Variants in TBC1D1 observed in about 807,000 individuals in gnomAD.
The protein encoded by TBC1D1 is TBC1 (tre-2/USP6, BUB2, cdc16) domain family, member 1.
TBC1D1 carries 89 observed loss-of-function variants against 125.6 expected under a neutral mutation model. The observed-to-expected ratio is 0.71, with a 90% CI of 0.60 to 0.85. TBC1D1 has a LOEUF of 0.85. TBC1D1 is among the 40% of genes least tolerant of loss of function. TBC1D1 has a pLI of 0.00. For synonymous variants in TBC1D1, 565 were observed against 564.1 expected (o/e 1.00, Z -0.02); for missense variants, 1,377 against 1,469.2 (o/e 0.94, Z 1.03).
At chr4:38,066,553 G>A (rs1474740497) in intron 12 of TBC1D1, among the ~76,000 whole-genome samples, 1 of 152,062 alleles carries the variant, frequency 6.6e-6, no homozygotes, top group East Asian at 1.9e-4. Flanking sequence ...GGCTGGTCTT[G>A]AACTCTTGAA....
At chr4:38,099,297 C>T (rs904951875) in intron 14 of TBC1D1, among the ~76,000 whole-genome samples, 1 of 152,110 alleles carries the variant, frequency 6.6e-6, no homozygotes, top group Non-Finnish European at 1.5e-5. Flanking sequence ...TATTTACTGA[C>T]GTAAAAGATG....
Position 38,079,202 on chromosome 4 carries a change from A to G in TBC1D1, c.2051-10730A>G, listed in dbSNP as rs542653461. 5.3e-5 allele frequency among the ~76,000 whole-genome samples: 8 copies of G among 151,918 alleles called. No homozygotes were observed. In the East Asian group the frequency reaches 9.7e-4, roughly 18 times the overall value. ...TCGTGATCTTAGCTTTTAGTAGTATATTTTTCTGTTTATGTTAGGTGAGTC... is the reference window on the plus strand; with the variant it reads ...TCGTGATCTTAGCTTTTAGTAGTATGTTTTTCTGTTTATGTTAGGTGAGTC... On this transcript the variant is annotated intron_variant, in intron 12 of 19. Coordinates refer to ENST00000261439, the MANE Select transcript of TBC1D1 (RefSeq NM_015173.4).
chr4:37,929,416 G>A (rs1482689496), intron 2 of TBC1D1, among the ~76,000 whole-genome samples: 2 of 152,148 alleles, frequency 1.3e-5, no homozygotes, highest in African/African-American at 2.4e-5. Flanking sequence ...TTTAGCAACC[G>A]CTGTACTCCC....
intron 2 of TBC1D1, chr4:37,952,536 C>T: frequency 6.1e-6 from 1 of 165,260 alleles, no homozygotes; most frequent in Non-Finnish European, 1.3e-5. Context: ...GAAGAGAAAA[C>T]CAAACACCAC....
intron 2 of TBC1D1, among the ~76,000 whole-genome samples, chr4:38,011,616 A>G (rs1741519082): frequency 6.6e-6 from 1 of 152,168 alleles, no homozygotes; most frequent in South Asian, 2.1e-4. Flanking sequence ...TTATATCTGT[A>G]TTACACATAA....
At chr4:37,984,043 C>CT (rs994541215) in intron 2 of TBC1D1, among the ~76,000 whole-genome samples, 1 of 151,890 alleles carries the variant, frequency 6.6e-6, no homozygotes, top group African/African-American at 2.4e-5. Context: ...GGATTGGCTT[C>CT]TTTCACTAAG....
At chr4:38,076,346 A>G (rs1243824412) in intron 12 of TBC1D1, among the ~76,000 whole-genome samples, 1 of 152,198 alleles carries the variant, frequency 6.6e-6, no homozygotes, top group Non-Finnish European at 1.5e-5. Context: ...CTCCCATGAC[A>G]TGGGGATTAT....
intron 2 of TBC1D1, among the ~76,000 whole-genome samples, chr4:37,916,688 G>A (rs866285698): frequency 5.9e-5 from 9 of 152,154 alleles, no homozygotes; most frequent in Middle Eastern, 3.2e-3. Flanking sequence ...ATTTTTGATG[G>A]TGAGCAGGGG....
In TBC1D1 at chr4:38,125,100, G is replaced by T; in HGVS notation, c.3101G>T (p.Gly1034Val). 6.2e-7 allele frequency: 1 copy of T among 1,614,032 alleles called. No individual in the cohort carries two copies. The highest frequency in any genetic ancestry group is 8.5e-7 in the Non-Finnish European group (1 of 1,179,992). Residue 1034 changes from glycine to valine, a missense_variant, in exon 18 of 20, where the codon GGC (glycine) becomes GTC (valine). Around this residue, in one of 3 missense-constraint regions of TBC1D1, gnomAD observed 543 missense variants for 613.5 expected, o/e 0.89. Coordinates refer to ENST00000261439, the MANE Select transcript of TBC1D1 (RefSeq NM_015173.4). ...ATAAAAAGCACGCTACCCAACCTTGGCTTGGTACAGATGGAAAAGACCATC... is the reference window on the plus strand; with the variant it reads ...ATAAAAAGCACGCTACCCAACCTTGTCTTGGTACAGATGGAAAAGACCATC...
At chr4:37,957,552 G>A (rs567598040) in intron 2 of TBC1D1, among the ~76,000 whole-genome samples, 3 of 152,260 alleles carry the variant, frequency 2.0e-5, no homozygotes, top group South Asian at 2.1e-4. Flanking sequence ...CTAAGAGTTC[G>A]AGGCTACAGT....
chr4:37,993,722 C>T (rs1333518508), intron 2 of TBC1D1, among the ~76,000 whole-genome samples: 3 of 152,208 alleles, frequency 2.0e-5, no homozygotes. Context: ...GCTGGGATTA[C>T]AGGCGCCCGC....
chr4:38,049,765 C>T lies in TBC1D1; in HGVS notation c.1777C>T (p.Arg593Ter), dbSNP rs370134989. ...GTCGCCCCAGCAGGCCTTCAGGAGG[C>T]GAGCAAACACCCTGAGTCACTTCCC... Residue 593 changes from arginine (R) to a stop codon, truncating the protein, a stop_gained, in exon 11 of 20, where the codon CGA (arginine) becomes TGA (stop). Coordinates refer to ENST00000261439, the MANE Select transcript of TBC1D1 (RefSeq NM_015173.4). LOFTEE classifies it high-confidence loss of function. 2.7e-5 allele frequency: 44 copies of T among 1,614,030 alleles called. No individual in the cohort carries two copies. The African/African-American group carries it at 4.8e-4, about 18-fold the overall frequency.
chr4:38,015,415 T>G (rs1177295375), intron 3 of TBC1D1, among the ~76,000 whole-genome samples: 1 of 152,200 alleles, frequency 6.6e-6, no homozygotes, highest in Non-Finnish European at 1.5e-5. Flanking sequence ...ACATTATATT[T>G]GAAATTTATA....
chr4:37,944,600 G>A (rs1726268781), intron 2 of TBC1D1, among the ~76,000 whole-genome samples: 1 of 152,212 alleles, frequency 6.6e-6, no homozygotes, highest in Admixed American at 6.5e-5. Context: ...TGCTAACAAT[G>A]AGCGAGGGTC....
Position 38,125,132 on chromosome 4 carries a change from GT to G in TBC1D1, c.3132+2del. 1 of 1,613,844 alleles carries G rather than the reference GT, an allele frequency of 6.2e-7. No homozygotes were observed. The highest frequency in any genetic ancestry group is 8.5e-7 in the Non-Finnish European group (1 of 1,179,924). ...ACAGATGGAAAAGACCATCAATCAGGTATGAGTCAGTCCAAACCTTGCAAAT... is the reference window on the plus strand; with the variant it reads ...ACAGATGGAAAAGACCATCAATCAGGATGAGTCAGTCCAAACCTTGCAAAT... On this transcript the variant is annotated splice_donor_variant, in intron 18 of 19. Transcript: ENST00000261439. LOFTEE classifies it high-confidence loss of function.
chr4:37,931,167 A>G (rs1346027555), intron 2 of TBC1D1, among the ~76,000 whole-genome samples: 1 of 152,086 alleles, frequency 6.6e-6, no homozygotes, highest in Non-Finnish European at 1.5e-5. Context: ...CAGTGGAGCA[A>G]TCTCTGCTCA....
chr4:38,114,218 A>T (rs1051884165), intron 15 of TBC1D1, among the ~76,000 whole-genome samples: 1 of 152,178 alleles, frequency 6.6e-6, no homozygotes, highest in African/African-American at 2.4e-5. Context: ...TTCTTTGAGC[A>T]CTGGGGAGCT....
chr4:38,027,766 C>T (rs941411321), intron 6 of TBC1D1, 22 bp from the exon 7 acceptor site: 2 of 1,563,432 alleles, frequency 1.3e-6, no homozygotes, highest in African/African-American at 2.7e-5. Flanking sequence ...TTTTTTCATG[C>T]CTCTCTTTTT....
chr4:38,115,098 CTTTTTTTTTTTT>C (rs56997021), intron 15 of TBC1D1, among the ~76,000 whole-genome samples: 1 of 134,640 alleles, frequency 7.4e-6, no homozygotes, highest in Non-Finnish European at 1.6e-5. Flanking sequence ...TTTCTTTTTT[CTTTTTTTTTTTT>C]TTTTTTGGAG....
Sources: gnomAD v4.1 joint callset for allele counts (sites outside exome capture counted in the v4.1 genomes callset) on GRCh38, gnomAD v4.1.1 for gene constraint, gnomAD v4.1.1 regional missense constraint, MANE v1.5 for transcripts, NCBI Gene and HGNC (gene_info 2026-07-23, HGNC 2026-07-21) for gene names.